The following SCML4 variants were observed in gnomAD, a reference collection of about 807,000 sequenced individuals.
SCML4 encodes the protein sex comb on midleg-like protein 4.
A neutral mutation model predicts 41.1 loss-of-function variants in SCML4; 34 were observed. The observed-to-expected ratio is 0.83, with a 90% confidence interval of 0.63 to 1.10. The LOEUF is 1.10. Among genes scored for constraint, SCML4 ranks in the 50% least tolerant of loss-of-function variants. SCML4 has a pLI of 0.00. For missense variants in SCML4, 522 were observed against 534.1 expected, an observed-to-expected ratio of 0.98 and a Z score of 0.22; for synonymous variants, 214 against 220.9, an observed-to-expected ratio of 0.97 and a Z score of 0.28.
At chr6:107,751,622 CTTT>C (rs1778668792) in intron 2 of SCML4, among the ~76,000 whole-genome samples, 4 of 147,128 alleles carry the variant, frequency 2.7e-5, no homozygotes, top group African/African-American at 1.0e-4. Flanking sequence ...TTCTTTCTTT[CTTT>C]CTTTCTTTCT....
At chr6:107,769,991 T>A (rs1474377805) in intron 2 of SCML4, among the ~76,000 whole-genome samples, 2 of 152,214 alleles carry the variant, frequency 1.3e-5, no homozygotes, top group South Asian at 2.1e-4. Flanking sequence ...GGGTTTTTTT[T>A]AACAATTTCT....
intron 1 of SCML4, among the ~76,000 whole-genome samples, chr6:107,779,900 TACC>T (rs1781347439): frequency 6.6e-6 from 1 of 152,228 alleles, no homozygotes; most frequent in Non-Finnish European, 1.5e-5. Context: ...TCAACTCCTT[TACC>T]ACCCATTGTG....
intron 5 of SCML4, among the ~76,000 whole-genome samples, chr6:107,728,062 C>T (rs942870909): frequency 2.0e-5 from 3 of 152,082 alleles, no homozygotes; most frequent in African/African-American, 7.2e-5. Context: ...TTATAAAGAG[C>T]TTATATATAA....
the SCML4 span, among the ~76,000 whole-genome samples, chr6:107,834,511 A>C: frequency 6.6e-6 from 1 of 152,150 alleles, no homozygotes; most frequent in Non-Finnish European, 1.5e-5. Context: ...ACTTACACAC[A>C]CTGAAGTGGG....
At chr6:107,717,269 T>G in intron 6 of SCML4, among the ~76,000 whole-genome samples, 1 of 132,828 alleles carries the variant, frequency 7.5e-6, no homozygotes. Context: ...GCAGCCTGGG[T>G]GACAGAGCGA....
chr6:107,749,883 T>C, intron 2 of SCML4, 70 bp from the exon 3 acceptor site: 1 of 1,528,694 alleles, frequency 6.5e-7, no homozygotes, highest in Non-Finnish European at 9.0e-7. Flanking sequence ...GATTCTGTCC[T>C]AGACGGCAGT....
the SCML4 span, among the ~76,000 whole-genome samples, chr6:107,843,548 A>G: frequency 6.6e-6 from 1 of 152,224 alleles, no homozygotes; most frequent in East Asian, 1.9e-4. Context: ...CCAGGAAAAC[A>G]ACTCCCACAC....
chr6:107,711,868 C>CTGAGACG (rs1056443681), intron 6 of SCML4, among the ~76,000 whole-genome samples: 2 of 152,066 alleles, frequency 1.3e-5, no homozygotes, highest in African/African-American at 4.8e-5. Flanking sequence ...TTTAATGTGC[C>CTGAGACG]TGAGACGTGC....
chr6:107,778,222 A>AAAAAAAAAAATAT (rs1554218145), intron 1 of SCML4, among the ~76,000 whole-genome samples: 1 of 15,544 alleles, frequency 6.4e-5, no homozygotes, highest in Non-Finnish European at 1.5e-4. Flanking sequence ...AAAAAAAAAA[A>AAAAAAAAAAATAT]ATATATATAT....
the SCML4 span, among the ~76,000 whole-genome samples, chr6:107,833,740 A>T: frequency 0.011 from 1,743 of 152,284 alleles, 20 homozygotes; most frequent in East Asian, 0.014. Context: ...GAATAGCAAA[A>T]CCTAAAAATT....
At chr6:107,770,711 T>C (rs771569767) in intron 2 of SCML4, among the ~76,000 whole-genome samples, 5 of 152,152 alleles carry the variant, frequency 3.3e-5, no homozygotes, top group Non-Finnish European at 7.4e-5. Flanking sequence ...AATTGTGAAA[T>C]CAGGTTCCTT....
In SCML4 at chr6:107,703,262, T is replaced by C. The variant is rs188247767; in HGVS notation, c.*1938A>G. On this transcript the variant is annotated 3_prime_UTR_variant, in exon 8 of 8. Coordinates refer to ENST00000369020, the MANE Select transcript of SCML4 (RefSeq NM_198081.5). The stretch of plus-strand genomic sequence containing the variant: ...TTCACTTTACTTTATGGACTCACCC[T>C]GAATTCTTTCTTGCATGAGATCCAA... Among the ~76,000 whole-genome samples, 10 of 152,308 alleles carry C rather than the reference T, an allele frequency of 6.6e-5. No individual in the cohort carries two copies. Among genetic ancestry groups the C allele is most frequent in the Admixed American group, 6.5e-4 (10 of 15,300 alleles).
intron 5 of SCML4, among the ~76,000 whole-genome samples, chr6:107,725,391 A>G (rs1455506822): frequency 6.6e-6 from 1 of 152,244 alleles, no homozygotes; most frequent in Non-Finnish European, 1.5e-5. Flanking sequence ...GGAAAAAAAG[A>G]CAGTGTGGTT....
chr6:107,775,437 A>G (rs1022346972), intron 1 of SCML4, among the ~76,000 whole-genome samples: 2 of 152,214 alleles, frequency 1.3e-5, no homozygotes, highest in African/African-American at 4.8e-5. Context: ...GACTTGCTGT[A>G]TCTCTGACCT....
intron 1 of SCML4, among the ~76,000 whole-genome samples, chr6:107,815,810 T>A (rs1256116727): frequency 1.1e-4 from 17 of 152,230 alleles, no homozygotes; most frequent in South Asian, 4.1e-4. Flanking sequence ...ACCTCAGAAT[T>A]GTAAACCAGG....
upstream of SCML4, chr6:107,824,459 CCT>C (rs1491530458): frequency 2.7e-4 from 35 of 128,992 alleles, no homozygotes; most frequent in African/African-American, 1.0e-3. Context: ...GAAAACGAGG[CCT>C]CTGTGTGTGT....
chr6:107,729,028 C>T (rs1411608382), intron 5 of SCML4, among the ~76,000 whole-genome samples: 1 of 152,200 alleles, frequency 6.6e-6, no homozygotes, highest in Non-Finnish European at 1.5e-5. Flanking sequence ...GGATGGCCCT[C>T]ATCATTCGGT....
chr6:107,788,201 T>G (rs1782047273), intron 1 of SCML4, among the ~76,000 whole-genome samples: 1 of 152,232 alleles, frequency 6.6e-6, no homozygotes, highest in Non-Finnish European at 1.5e-5. Flanking sequence ...ACCATGTTTC[T>G]GCAAGGACCA....
At chr6:107,837,299 T>G in the SCML4 span, among the ~76,000 whole-genome samples, 3 of 152,292 alleles carry the variant, frequency 2.0e-5, no homozygotes, top group African/African-American at 4.8e-5. Flanking sequence ...ATGAAATGTG[T>G]GTATCTTGAA....
Sources: gnomAD v4.1 joint callset for allele counts (sites outside exome capture counted in the v4.1 genomes callset) on GRCh38, gnomAD v4.1.1 for gene constraint, MANE v1.5 for transcripts, NCBI Gene and HGNC (gene_info 2026-07-23, HGNC 2026-07-21) for gene names.